Variants in MTUS1 observed in about 807,000 individuals in gnomAD.
MTUS1 encodes microtubule-associated tumor suppressor 1.
A neutral mutation model predicts 120.8 loss-of-function variants in MTUS1; 109 were observed. That is an observed-to-expected ratio of 0.90 (90% confidence interval 0.77 to 1.06). MTUS1 has a LOEUF of 1.06. Among genes scored for constraint, MTUS1 ranks in the 50% least tolerant of loss-of-function variants. MTUS1 has a pLI of 0.00. For missense variants in MTUS1, 2,210 were observed against 1,486.3 expected (o/e 1.49, Z -8.01); for synonymous variants, 737 against 550.5 (o/e 1.34, Z -4.74).
At chr8:17,692,487 T>C (rs1381543523) in intron 6 of MTUS1, among the ~76,000 whole-genome samples, 1 of 152,160 alleles carries the variant, frequency 6.6e-6, no homozygotes, top group African/African-American at 2.4e-5. Flanking sequence ...TGCTTCTTAG[T>C]GAAGCTGTTA....
At chr8:17,697,574 G>A (rs972835595) in intron 6 of MTUS1, 157 of 1,348,740 alleles carry the variant, frequency 1.2e-4, no homozygotes, top group Middle Eastern at 5.3e-4. Context: ...TCTGGCTTCC[G>A]TTTTCACTTT....
chr8:17,743,572 A>G (rs748916313), intron 3 of MTUS1, 32 bp downstream of exon 3: 1 of 1,582,478 alleles, frequency 6.3e-7, no homozygotes, highest in African/African-American at 1.4e-5. Flanking sequence ...CATTCAATTA[A>G]CTCATAAACT....
At position 17,759,730 on chromosome 8, in the gene MTUS1, A is replaced by G. The variant is rs1053834173; in HGVS notation, c.-154-3769T>C. 3.3e-5 allele frequency among the ~76,000 whole-genome samples: 5 copies of G among 150,582 alleles called. No individual in the cohort carries two copies. The East Asian group carries it at 5.8e-4, about 17-fold the overall frequency. On this transcript the variant is annotated intron_variant, in intron 1 of 14. Coordinates refer to ENST00000693296, the MANE Select transcript of MTUS1 (RefSeq NM_001363059.2). ...CTGTGGTCAGCATTGTCTCTGAAGCATTTTCCCATGTCATTATACTATAAA... is the reference window on the plus strand; with the variant it reads ...CTGTGGTCAGCATTGTCTCTGAAGCGTTTTCCCATGTCATTATACTATAAA...
intron 6 of MTUS1, among the ~76,000 whole-genome samples, chr8:17,696,688 G>C (rs1054596002): frequency 6.6e-6 from 1 of 152,156 alleles, no homozygotes; most frequent in African/African-American, 2.4e-5. Flanking sequence ...CTCAGGGGAA[G>C]TATTTTGAGA....
intron 6 of MTUS1, chr8:17,692,114 A>C (rs1380830076): frequency 6.6e-6 from 1 of 152,234 alleles, no homozygotes; most frequent in African/African-American, 2.4e-5. Flanking sequence ...CCTCATTTAT[A>C]ATCGGCCAAC....
At position 17,656,583 on chromosome 8, in the gene MTUS1, G is replaced by T. The variant is rs377296834; in HGVS notation, c.2906-518C>A. Among the ~76,000 whole-genome samples the T allele has an allele frequency of 1.0e-4, 13 of 128,898 alleles. No homozygotes were observed. In the East Asian group the frequency reaches 2.5e-3, roughly 25 times the overall value. 84.6% of individuals were successfully genotyped at this position (128,898 alleles called of 152,430 possible). On this transcript the variant is annotated intron_variant, in intron 8 of 14. Coordinates refer to ENST00000693296, the MANE Select transcript of MTUS1 (RefSeq NM_001363059.2). Reference sequence around the variant, plus strand: ...CCACATTCAAAAAACTGACTCCCAAGCAGTAAGAGAAGTACTTCAGAAGAC... The same window carrying T: ...CCACATTCAAAAAACTGACTCCCAATCAGTAAGAGAAGTACTTCAGAAGAC...
intron 1 of MTUS1, among the ~76,000 whole-genome samples, chr8:17,800,327 T>C (rs2052580267): frequency 1.3e-5 from 2 of 152,182 alleles, no homozygotes; most frequent in South Asian, 4.1e-4. Flanking sequence ...CGCACCGTTT[T>C]GCCTAAGACT....
chr8:17,721,555 A>T (rs980421788), intron 4 of MTUS1, among the ~76,000 whole-genome samples: 2 of 152,250 alleles, frequency 1.3e-5, no homozygotes, highest in African/African-American at 2.4e-5. Flanking sequence ...ACACAGAAGC[A>T]TTCACATCTT....
At chr8:17,741,868 T>C (rs545911847) in intron 3 of MTUS1, among the ~76,000 whole-genome samples, 10 of 152,134 alleles carry the variant, frequency 6.6e-5, no homozygotes, top group Admixed American at 2.0e-4. Context: ...CTCAGACACT[T>C]ACACTTTCAA....
At chr8:17,763,148 G>A (rs372495723) in intron 1 of MTUS1, among the ~76,000 whole-genome samples, 12 of 151,882 alleles carry the variant, frequency 7.9e-5, no homozygotes, top group Non-Finnish European at 1.6e-4. Context: ...CCACCACCAC[G>A]CCCAGCTAAT....
At chr8:17,652,733 G>A (rs758038922) in intron 12 of MTUS1, among the ~76,000 whole-genome samples, 2 of 151,882 alleles carry the variant, frequency 1.3e-5, no homozygotes, top group African/African-American at 2.4e-5. Context: ...CTACTCGGGA[G>A]GGTGAGGCAG....
At chr8:17,733,751 C>A (rs2046750463) in intron 3 of MTUS1, among the ~76,000 whole-genome samples, 2 of 152,134 alleles carry the variant, frequency 1.3e-5, no homozygotes, top group South Asian at 2.1e-4. Flanking sequence ...ATTTTCACAC[C>A]ATCATTACTG....
At chr8:17,673,096 T>C (rs1241394512) in intron 8 of MTUS1, among the ~76,000 whole-genome samples, 2 of 152,174 alleles carry the variant, frequency 1.3e-5, no homozygotes, top group South Asian at 2.1e-4. Flanking sequence ...AAGGCCTCTT[T>C]CCTGATCTTC....
intron 2 of MTUS1, among the ~76,000 whole-genome samples, chr8:17,746,446 G>A (rs2047752545): frequency 1.3e-5 from 2 of 152,170 alleles, no homozygotes; most frequent in South Asian, 2.1e-4. Context: ...AGAGTTCCAC[G>A]TGGCTAGGGA....
At chr8:17,789,036 CTTTT>C (rs1047810081) in intron 1 of MTUS1, among the ~76,000 whole-genome samples, 15 of 144,418 alleles carry the variant, frequency 1.0e-4, no homozygotes, top group East Asian at 4.0e-4. Context: ...TTTTAGTTGT[CTTTT>C]TTTTTTTTTG....
chr8:17,756,779 A>C (rs2048658042), intron 1 of MTUS1, among the ~76,000 whole-genome samples: 1 of 149,846 alleles, frequency 6.7e-6, no homozygotes, highest in Admixed American at 6.7e-5. Context: ...TGGTGCCCTT[A>C]GAAGAAGGGA....
chr8:17,795,506 G>A (rs2052150404), intron 1 of MTUS1, among the ~76,000 whole-genome samples: 1 of 151,386 alleles, frequency 6.6e-6, no homozygotes, highest in Admixed American at 6.6e-5. Flanking sequence ...CTGAAAGACT[G>A]ATCCATTCCT....
intron 7 of MTUS1, among the ~76,000 whole-genome samples, chr8:17,680,486 A>G (rs1814197433): frequency 1.3e-5 from 2 of 150,264 alleles, no homozygotes; most frequent in South Asian, 2.1e-4. Flanking sequence ...AAAAAAAAAA[A>G]AAAAAAAAAA....
chr8:17,767,956 C>A (rs1356952551), intron 1 of MTUS1, among the ~76,000 whole-genome samples: 1 of 152,150 alleles, frequency 6.6e-6, no homozygotes, highest in African/African-American at 2.4e-5. Flanking sequence ...GAACTCCTGG[C>A]AGTGGCAGCA....
Sources: gnomAD v4.1 joint callset for allele counts (sites outside exome capture counted in the v4.1 genomes callset) on GRCh38, gnomAD v4.1.1 for gene constraint, MANE v1.5 for transcripts, NCBI Gene and HGNC (gene_info 2026-07-23, HGNC 2026-07-21) for gene names.